GRIA4: variants seen among roughly 807,000 people sequenced by gnomAD.
The protein encoded by GRIA4 is glutamate ionotropic receptor AMPA type subunit 4, also known as glutamate receptor 4.
Under a neutral mutation model 104.0 loss-of-function variants are expected in GRIA4, and 34 were observed. The ratio of observed to expected loss-of-function variants is 0.33; its 90% confidence interval spans 0.25 to 0.44. GRIA4 has a LOEUF of 0.44. Among genes scored for constraint, GRIA4 ranks in the 20% least tolerant of loss-of-function variants. The pLI, the probability that GRIA4 is intolerant of heterozygous loss-of-function variation, is 1.00. For missense variants in GRIA4, 750 were observed against 1,096.5 expected (o/e 0.68, Z 4.46); for synonymous variants, 386 against 381.9 (o/e 1.01, Z -0.13).
intron 5 of GRIA4, among the ~76,000 whole-genome samples, chr11:105,882,202 A>T (rs1407165055): frequency 6.6e-6 from 1 of 152,158 alleles, no homozygotes; most frequent in Non-Finnish European, 1.5e-5. Flanking sequence ...CATTTTCTCC[A>T]TGTCACTGAA....
chr11:105,659,329 G>A (rs1311390846), intron 3 of GRIA4, among the ~76,000 whole-genome samples: 9 of 151,940 alleles, frequency 5.9e-5, no homozygotes, highest in Admixed American at 4.6e-4. Context: ...AAGTGGAGGT[G>A]GAGAGATATT....
At chr11:105,812,037 G>C (rs2135872970) in intron 4 of GRIA4, among the ~76,000 whole-genome samples, 1 of 152,346 alleles carries the variant, frequency 6.6e-6, no homozygotes, top group East Asian at 1.9e-4. Flanking sequence ...CTCAGGGCGG[G>C]TGCCTGGAAG....
At chr11:105,937,773 A>C (rs1205140000) in intron 14 of GRIA4, among the ~76,000 whole-genome samples, 1 of 152,202 alleles carries the variant, frequency 6.6e-6, no homozygotes, top group East Asian at 1.9e-4. Flanking sequence ...GAAAAAAAAT[A>C]AAAATAAAAA....
intron 3 of GRIA4, among the ~76,000 whole-genome samples, chr11:105,731,387 A>G (rs1462683519): frequency 6.6e-6 from 1 of 152,188 alleles, no homozygotes; most frequent in Non-Finnish European, 1.5e-5. Context: ...GAGATGCTCA[A>G]GAGGATGTGG....
At chr11:105,940,179 A>G (rs979284704) in intron 14 of GRIA4, among the ~76,000 whole-genome samples, 2 of 152,116 alleles carry the variant, frequency 1.3e-5, no homozygotes, top group Non-Finnish European at 2.9e-5. Flanking sequence ...AGCTTGGGCA[A>G]CATGGCGAAA....
chr11:105,976,627 C>T (rs1858996103), intron 16 of GRIA4, among the ~76,000 whole-genome samples: 1 of 152,028 alleles, frequency 6.6e-6, no homozygotes, highest in Non-Finnish European at 1.5e-5. Context: ...TTCATAAACT[C>T]TATGACCATA....
intron 3 of GRIA4, among the ~76,000 whole-genome samples, chr11:105,616,225 A>G (rs1226810963): frequency 6.6e-6 from 1 of 151,668 alleles, no homozygotes; most frequent in African/African-American, 2.4e-5. Flanking sequence ...TTCTAGCTAG[A>G]ATCATTTTAT....
chr11:105,934,718 T>A (rs936839667), intron 14 of GRIA4, among the ~76,000 whole-genome samples: 8 of 152,206 alleles, frequency 5.3e-5, no homozygotes, highest in African/African-American at 1.9e-4. Context: ...AAATATTGGT[T>A]AAATCTGCCC....
At position 105,873,726 on chromosome 11, in the gene GRIA4, A is replaced by G. The variant is rs548619661; in HGVS notation, c.672+11518A>G. Among the ~76,000 whole-genome samples, 319 of 152,230 alleles carry G rather than the reference A, an allele frequency of 2.1e-3. 3 individuals are homozygous for G. Among genetic ancestry groups the G allele is most frequent in the African/African-American group, 7.3e-3 (303 of 41,552 alleles). On this transcript the variant is annotated intron_variant, in intron 5 of 16. Coordinates refer to ENST00000282499, the MANE Select transcript of GRIA4 (RefSeq NM_000829.4). ...GGCCACAAAAATGTCTTCTTTTGAGAAGTGTCTGTTCATATACTTTGCTCA... is the reference window on the plus strand; with the variant it reads ...GGCCACAAAAATGTCTTCTTTTGAGGAGTGTCTGTTCATATACTTTGCTCA...
At chr11:105,757,638 A>G (rs1474850915) in intron 4 of GRIA4, among the ~76,000 whole-genome samples, 2 of 152,098 alleles carry the variant, frequency 1.3e-5, no homozygotes, top group African/African-American at 4.8e-5. Flanking sequence ...GAATATCTGT[A>G]CTGGGTCAGT....
intron 4 of GRIA4, among the ~76,000 whole-genome samples, chr11:105,777,627 A>T (rs1032525985): frequency 5.3e-5 from 8 of 152,174 alleles, no homozygotes; most frequent in African/African-American, 1.9e-4. Flanking sequence ...CTTTTCTATA[A>T]AAAATTTTGT....
At chr11:105,898,705 A>G (rs1329583711) in intron 7 of GRIA4, among the ~76,000 whole-genome samples, 5 of 152,164 alleles carry the variant, frequency 3.3e-5, no homozygotes, top group African/African-American at 1.2e-4. Context: ...TTAATTGTTA[A>G]CTAAATGCTT....
chr11:105,779,398 C>G (rs1565229663), intron 4 of GRIA4, among the ~76,000 whole-genome samples: 1 of 152,132 alleles, frequency 6.6e-6, no homozygotes, highest in Non-Finnish European at 1.5e-5. Context: ...CCATCTCCAT[C>G]AAGCTACCAA....
chr11:105,739,489 A>G (rs1591173566), intron 3 of GRIA4, among the ~76,000 whole-genome samples: 1 of 152,322 alleles, frequency 6.6e-6, no homozygotes, highest in East Asian at 1.9e-4. Context: ...ATATATAATT[A>G]AAGTGAAATA....
At position 105,702,690 on chromosome 11, in the gene GRIA4, C is replaced by CTTTTTTT. The variant is rs150923757; in HGVS notation, c.248-50288_248-50287insTTTTTTT. On this transcript the variant is annotated intron_variant, in intron 3 of 16. Coordinates refer to ENST00000282499, the MANE Select transcript of GRIA4 (RefSeq NM_000829.4). ...TTATAAGATATGCAAAATTATTTTC[C>CTTTTTTT]TTTCTTTTTTTTTTTTTTTTTTTTG... is the stretch of plus-strand genomic sequence containing the variant. Among the ~76,000 whole-genome samples, 18 of 96,074 alleles carry CTTTTTTT rather than the reference C, an allele frequency of 1.9e-4. 3 individuals are homozygous for CTTTTTTT. Among genetic ancestry groups the CTTTTTTT allele is most frequent in the Admixed American group, 3.0e-4 (2 of 6,574 alleles). 63.0% of individuals were successfully genotyped at this position (96,074 alleles called of 152,430 possible). A position where few individuals can be genotyped will look rare whatever the true frequency, so the allele number is the denominator to read the frequency against.
intron 3 of GRIA4, among the ~76,000 whole-genome samples, chr11:105,621,700 A>C (rs1362901060): frequency 6.6e-6 from 1 of 151,810 alleles, no homozygotes; most frequent in African/African-American, 2.4e-5. Flanking sequence ...TACCTGAGTG[A>C]CTATTCCTGC....
intron 4 of GRIA4, among the ~76,000 whole-genome samples, chr11:105,755,361 A>G (rs1254132944): frequency 6.6e-6 from 1 of 152,124 alleles, no homozygotes; most frequent in Admixed American, 6.6e-5. Flanking sequence ...GTCTCTATAA[A>G]TCACTCCAGG....
chr11:105,683,732 T>A (rs1952782190), intron 3 of GRIA4, among the ~76,000 whole-genome samples: 1 of 152,190 alleles, frequency 6.6e-6, no homozygotes. Flanking sequence ...TTTATTTGAG[T>A]ATTCAGCATA....
At chr11:105,764,908 G>T (rs373920914) in intron 4 of GRIA4, among the ~76,000 whole-genome samples, 13 of 152,114 alleles carry the variant, frequency 8.5e-5, no homozygotes, top group Non-Finnish European at 1.9e-4. Flanking sequence ...GAACAAGGTA[G>T]ATTTACCCTT....
Sources: gnomAD v4.1 joint callset for allele counts (sites outside exome capture counted in the v4.1 genomes callset) on GRCh38, gnomAD v4.1.1 for gene constraint, MANE v1.5 for transcripts, NCBI Gene and HGNC (gene_info 2026-07-23, HGNC 2026-07-21) for gene names.